Variants in KLHL29 observed in about 807,000 individuals in gnomAD.
The protein encoded by KLHL29 is kelch like family member 29.
A neutral mutation model predicts 80.4 loss-of-function variants in KLHL29; 21 were observed. That is an observed-to-expected ratio of 0.26 (90% CI 0.19 to 0.38). KLHL29 has a LOEUF of 0.38. Ranked by LOEUF, KLHL29 falls within the 10% of genes least tolerant of loss-of-function variation. The pLI is 1.00. For missense variants in KLHL29, 867 were observed against 1,223.9 expected, an observed-to-expected ratio of 0.71 and a Z score of 4.35; for synonymous variants, 511 against 526.8, an observed-to-expected ratio of 0.97 and a Z score of 0.41.
intron 1 of KLHL29, among the ~76,000 whole-genome samples, chr2:23,405,053 A>G (rs1666691974): frequency 1.3e-5 from 2 of 152,256 alleles, no homozygotes; most frequent in African/African-American, 4.8e-5. Flanking sequence ...TTGGCATAAA[A>G]AAGGAGAACA....
intron 2 of KLHL29, among the ~76,000 whole-genome samples, chr2:23,507,572 C>G (rs1009626048): frequency 6.6e-6 from 1 of 152,206 alleles, no homozygotes; most frequent in Admixed American, 6.5e-5. Flanking sequence ...TCGGCAGAGG[C>G]TACATTCTTG....
chr2:23,439,253 A>G (rs1489809788), intron 1 of KLHL29, among the ~76,000 whole-genome samples: 1 of 151,918 alleles, frequency 6.6e-6, no homozygotes. Flanking sequence ...GATCGTTTCA[A>G]AAAACCAGCT....
At chr2:23,463,350 A>G (rs548936516) in intron 1 of KLHL29, among the ~76,000 whole-genome samples, 12 of 152,220 alleles carry the variant, frequency 7.9e-5, no homozygotes, top group African/African-American at 2.7e-4. Context: ...AATTTATACT[A>G]CATCATATTT....
At chr2:23,564,173 G>C (rs1667528402) in intron 3 of KLHL29, among the ~76,000 whole-genome samples, 1 of 152,230 alleles carries the variant, frequency 6.6e-6, no homozygotes, top group African/African-American at 2.4e-5. Context: ...ATGGTGTTGG[G>C]CTGCTCTGGG....
intron 3 of KLHL29, among the ~76,000 whole-genome samples, chr2:23,563,775 C>A (rs1667514500): frequency 1.3e-5 from 2 of 152,176 alleles, no homozygotes; most frequent in Admixed American, 6.5e-5. Flanking sequence ...TGGCTCGGAG[C>A]GCACTGACAT....
intron 1 of KLHL29, among the ~76,000 whole-genome samples, chr2:23,456,300 A>G (rs1211926965): frequency 2.0e-5 from 3 of 152,204 alleles, no homozygotes; most frequent in Non-Finnish European, 4.4e-5. Context: ...CCCTTGGTGC[A>G]ATGGGGCAGT....
chr2:23,493,707 G>T (rs2103449857), intron 2 of KLHL29, among the ~76,000 whole-genome samples: 1 of 152,234 alleles, frequency 6.6e-6, no homozygotes, highest in African/African-American at 2.4e-5. Flanking sequence ...ATGCGTGTGT[G>T]TCTGTGTCTG....
chr2:23,704,421 C>T (rs1045425728), intron 13 of KLHL29, among the ~76,000 whole-genome samples: 2 of 152,214 alleles, frequency 1.3e-5, no homozygotes, highest in African/African-American at 4.8e-5. Flanking sequence ...AGACACCAGT[C>T]CCTGCTCTTC....
At chr2:23,449,045 C>T (rs1480954048) in intron 1 of KLHL29, among the ~76,000 whole-genome samples, 2 of 152,156 alleles carry the variant, frequency 1.3e-5, no homozygotes, top group Non-Finnish European at 2.9e-5. Flanking sequence ...CCAGAGCTTA[C>T]ACAGGAAGTG....
chr2:23,656,330 GCAGAGCAGAGACCC>G (rs1220824557), intron 5 of KLHL29, among the ~76,000 whole-genome samples: 1 of 152,220 alleles, frequency 6.6e-6, no homozygotes, highest in Non-Finnish European at 1.5e-5. Flanking sequence ...AGATATTCCA[GCAGAGCAGAGACCC>G]CAGAGCAGAG....
intron 3 of KLHL29, among the ~76,000 whole-genome samples, chr2:23,635,328 C>T (rs1351269426): frequency 2.6e-5 from 4 of 152,246 alleles, no homozygotes; most frequent in South Asian, 4.1e-4. Context: ...ATACCACCTG[C>T]GGCCCTACAC....
chr2:23,527,145 G>A (rs987284535), intron 2 of KLHL29, among the ~76,000 whole-genome samples: 17 of 152,144 alleles, frequency 1.1e-4, no homozygotes, highest in Non-Finnish European at 2.2e-4. Context: ...TCCTTAACAT[G>A]GGCTCCCAGA....
intron 3 of KLHL29, among the ~76,000 whole-genome samples, chr2:23,616,131 C>G (rs1208651733): frequency 1.3e-5 from 2 of 152,174 alleles, no homozygotes; most frequent in Non-Finnish European, 2.9e-5. Context: ...CTGCTTCTGC[C>G]ATGCTCCCCT....
chr2:23,600,067 C>T (rs1008420315), intron 3 of KLHL29, among the ~76,000 whole-genome samples: 3 of 152,194 alleles, frequency 2.0e-5, no homozygotes, highest in African/African-American at 7.2e-5. Flanking sequence ...GGGAAGAGGA[C>T]ATGTATCCGC....
chr2:23,493,644 AGTGT>A (rs899867265), intron 2 of KLHL29, among the ~76,000 whole-genome samples: 1 of 151,338 alleles, frequency 6.6e-6, no homozygotes, highest in East Asian at 1.9e-4. Flanking sequence ...TGTGTGTGTG[AGTGT>A]GTGTGTGTGC....
At chr2:23,542,703 A>G (rs534125022) in intron 2 of KLHL29, among the ~76,000 whole-genome samples, 2 of 152,346 alleles carry the variant, frequency 1.3e-5, no homozygotes, top group South Asian at 4.1e-4. Flanking sequence ...GAGGAGGGGC[A>G]GGCTTCTGCC....
chr2:23,482,615 T>C (rs1664828930), intron 2 of KLHL29, among the ~76,000 whole-genome samples: 1 of 152,246 alleles, frequency 6.6e-6, no homozygotes, highest in Non-Finnish European at 1.5e-5. Flanking sequence ...GATGGACTTC[T>C]CTCCTGTAGG....
At chr2:23,691,633 C>T (rs558467828) in intron 6 of KLHL29, 41 bp from the exon 7 acceptor site, 120 of 1,528,348 alleles carry the variant, frequency 7.9e-5, no homozygotes, top group Admixed American at 6.9e-4. Context: ...GCACGGTGGC[C>T]GCAGGGCAGG....
chr2:23,521,928 C>T (rs1161370065), intron 2 of KLHL29, among the ~76,000 whole-genome samples: 1 of 152,198 alleles, frequency 6.6e-6, no homozygotes, highest in Admixed American at 6.5e-5. Flanking sequence ...ACTATGCTTA[C>T]TAAGTTTGTG....
Sources: allele counts gnomAD v4.1 joint callset (sites outside exome capture counted in the v4.1 genomes callset), GRCh38; gene constraint gnomAD v4.1.1; transcripts MANE v1.5; gene names NCBI Gene and HGNC (gene_info 2026-07-23, HGNC 2026-07-21).